FYB1: variants seen among roughly 807,000 people sequenced by gnomAD.
FYB1 encodes FYN-binding protein 1.
A neutral mutation model predicts 94.1 loss-of-function variants in FYB1; 41 were observed. That is an observed-to-expected ratio of 0.44 (90% CI 0.34 to 0.57). The LOEUF (loss-of-function observed/expected upper bound fraction) is 0.57. FYB1 is among the 20% of genes least tolerant of loss of function. FYB1 has a pLI of 0.02. For missense variants in FYB1, 1,050 were observed against 976.8 expected, an observed-to-expected ratio of 1.07 and a Z score of -1.00; for synonymous variants, 367 against 353.2, an observed-to-expected ratio of 1.04 and a Z score of -0.44.
chr5:39,232,903 T>A (rs1184183452), intron 1 of FYB1, among the ~76,000 whole-genome samples: 1 of 152,134 alleles, frequency 6.6e-6, no homozygotes, highest in Non-Finnish European at 1.5e-5. Flanking sequence ...GAACTCATCA[T>A]TTTTTATGGC....
intron 16 of FYB1, among the ~76,000 whole-genome samples, chr5:39,117,655 A>T (rs1739696602): frequency 6.6e-6 from 1 of 152,112 alleles, no homozygotes; most frequent in Non-Finnish European, 1.5e-5. Context: ...ACTGTGTTTT[A>T]TTCTTGAAAC....
intron 3 of FYB1, among the ~76,000 whole-genome samples, chr5:39,148,155 T>TTATATATATATATATATA (rs10528848): frequency 5.3e-5 from 2 of 37,644 alleles, no homozygotes; most frequent in Non-Finnish European, 8.5e-5. Flanking sequence ...TATGTATTTT[T>TTATATATATATATATATA]TATATATATA....
At position 39,241,368 on chromosome 5, in the gene FYB1, G is replaced by A. The variant is rs552360123; in HGVS notation, c.-28+33035C>T. ...GGCATCACTACAACAGGGTGTCCAG[G>A]ACCTATGAGTCTGGTCCATGGAAAA... On this transcript the variant is annotated intron_variant, in intron 1 of 1. Transcript: ENST00000510188. Among the ~76,000 whole-genome samples the A allele has an allele frequency of 2.6e-4, 39 of 152,232 alleles. 1 individual carries two copies. The Middle Eastern group carries it at 0.01, about 40-fold the overall frequency.
At chr5:39,109,362 T>C (rs1056829404) in intron 17 of FYB1, among the ~76,000 whole-genome samples, 2 of 152,076 alleles carry the variant, frequency 1.3e-5, no homozygotes, top group Non-Finnish European at 2.9e-5. Flanking sequence ...AACAATTACT[T>C]ACAGAGTATG....
chr5:39,170,619 T>C (rs954191907), intron 2 of FYB1, among the ~76,000 whole-genome samples: 1 of 152,240 alleles, frequency 6.6e-6, no homozygotes, highest in African/African-American at 2.4e-5. Context: ...AGTAGCCTCC[T>C]CACCAGTTTT....
chr5:39,196,245 G>C (rs1747829069), intron 2 of FYB1, among the ~76,000 whole-genome samples: 1 of 117,856 alleles, frequency 8.5e-6, no homozygotes, highest in Non-Finnish European at 1.7e-5. Flanking sequence ...GGTTCGCTTT[G>C]TCACCCAGGC....
chr5:39,141,162 A>G (rs1742149555), intron 3 of FYB1, 21 bp from the exon 4 acceptor site: 22 of 1,544,328 alleles, frequency 1.4e-5, no homozygotes, highest in Non-Finnish European at 1.9e-5. Context: ...GAAAGAAGAA[A>G]CAGTGAACAT....
At chr5:39,217,182 C>T (rs1749933688) in intron 1 of FYB1, among the ~76,000 whole-genome samples, 1 of 152,156 alleles carries the variant, frequency 6.6e-6, no homozygotes, top group Non-Finnish European at 1.5e-5. Context: ...ACATGCTTGG[C>T]CCTGGGCTTT....
chr5:39,269,807 AG>A (rs1477747175), intron 1 of FYB1: 3 of 152,218 alleles, frequency 2.0e-5, no homozygotes, highest in Non-Finnish European at 4.4e-5. Context: ...ACCAGTTTCC[AG>A]TCTTCTGGGG....
chr5:39,138,635 TG>T, intron 6 of FYB1, 21 bp downstream of exon 6: 1 of 1,469,030 alleles, frequency 6.8e-7, no homozygotes, highest in Non-Finnish European at 9.4e-7. Context: ...AAAACTGTCA[TG>T]GTAAAAAATG....
intron 1 of FYB1, among the ~76,000 whole-genome samples, chr5:39,229,203 T>C (rs1488964792): frequency 6.6e-6 from 1 of 152,130 alleles, no homozygotes; most frequent in Non-Finnish European, 1.5e-5. Context: ...GATACTCCCT[T>C]ACTAAAGGAT....
chr5:39,160,436 TGAA>T (rs751728067), intron 2 of FYB1, among the ~76,000 whole-genome samples: 3 of 151,774 alleles, frequency 2.0e-5, no homozygotes, highest in Admixed American at 6.6e-5. Flanking sequence ...AGTCTAAGAA[TGAA>T]GAAGTTTAAA....
intron 2 of FYB1, chr5:39,169,856 T>C: frequency 1.8e-6 from 1 of 541,982 alleles, no homozygotes; most frequent in South Asian, 1.6e-5. Flanking sequence ...GAACTAACAC[T>C]TGACGTCCAA....
At chr5:39,206,727 T>C (rs1748889969) in intron 1 of FYB1, among the ~76,000 whole-genome samples, 1 of 152,236 alleles carries the variant, frequency 6.6e-6, no homozygotes. Flanking sequence ...CATGGTGACC[T>C]TCCCTAGTTC....
intron 1 of FYB1, among the ~76,000 whole-genome samples, chr5:39,257,616 T>C (rs1751993914): frequency 6.6e-6 from 1 of 152,140 alleles, no homozygotes; most frequent in Non-Finnish European, 1.5e-5. Flanking sequence ...TAAATTGTAA[T>C]GAGAAGAACT....
chr5:39,204,277 A>G (rs1314992256), intron 1 of FYB1, among the ~76,000 whole-genome samples: 1 of 152,172 alleles, frequency 6.6e-6, no homozygotes, highest in Non-Finnish European at 1.5e-5. Flanking sequence ...TTTGTTCTAT[A>G]TCATCCCGTC....
chr5:39,249,562 C>G (rs1751628950), intron 1 of FYB1, among the ~76,000 whole-genome samples: 1 of 149,954 alleles, frequency 6.7e-6, no homozygotes, highest in Admixed American at 6.8e-5. Context: ...ATTCTAGTAG[C>G]AGAGAGGGAT....
At chr5:39,122,301 T>C (rs1740191345) in intron 14 of FYB1, 35 bp downstream of exon 14, 3 of 1,353,012 alleles carry the variant, frequency 2.2e-6, no homozygotes, top group African/African-American at 2.9e-5. Context: ...ATTCTCATTT[T>C]CATTACTTCA....
At chr5:39,233,582 A>G (rs2150575172) in intron 1 of FYB1, among the ~76,000 whole-genome samples, 1 of 152,326 alleles carries the variant, frequency 6.6e-6, no homozygotes, top group African/African-American at 2.4e-5. Flanking sequence ...ATCATTACAT[A>G]TTAACATAAA....
Sources: allele counts gnomAD v4.1 joint callset (sites outside exome capture counted in the v4.1 genomes callset), GRCh38; gene constraint gnomAD v4.1.1; transcripts MANE v1.5; gene names NCBI Gene and HGNC (gene_info 2026-07-23, HGNC 2026-07-21).